Variants in PTPRG observed in about 807,000 individuals in gnomAD.
PTPRG encodes receptor-type tyrosine-protein phosphatase gamma.
A neutral mutation model predicts 165.3 loss-of-function variants in PTPRG; 102 were observed. That is an observed-to-expected ratio of 0.62 (90% confidence interval 0.53 to 0.73). The LOEUF (loss-of-function observed/expected upper bound fraction) is 0.73. Ranked by LOEUF, PTPRG falls within the 30% of genes least tolerant of loss-of-function variation. PTPRG has a pLI of 0.00. For missense variants in PTPRG, 1,866 were observed against 1,861.4 expected, an observed-to-expected ratio of 1.00 and a Z score of -0.05; for synonymous variants, 675 against 669.5, an observed-to-expected ratio of 1.01 and a Z score of -0.13.
chr3:61,851,827 T>C (rs560046826), intron 2 of PTPRG, among the ~76,000 whole-genome samples: 1 of 152,290 alleles, frequency 6.6e-6, no homozygotes, highest in South Asian at 2.1e-4. Flanking sequence ...GTAGCATAAT[T>C]GTGGAGGTGA....
chr3:61,994,555 A>G (rs1284547136), intron 3 of PTPRG, among the ~76,000 whole-genome samples: 1 of 152,202 alleles, frequency 6.6e-6, no homozygotes, highest in Non-Finnish European at 1.5e-5. Flanking sequence ...CTATGTATAG[A>G]TGGGGAAGTC....
Position 62,255,216 on chromosome 3 carries a change from G to GT in PTPRG, c.2559+2dup, listed in dbSNP as rs1701511380. 1 of 1,609,032 alleles carries GT rather than the reference G, an allele frequency of 6.2e-7. No homozygotes were observed. Among genetic ancestry groups the GT allele is most frequent in the Non-Finnish European group, 8.5e-7 (1 of 1,177,052 alleles). ...GCATGGGTTCTCTGAGGATTTTGAGGTATGTTTCAAGGCTGGAAGTTAACT... is the reference window on the plus strand; with the variant it reads ...GCATGGGTTCTCTGAGGATTTTGAGGTTATGTTTCAAGGCTGGAAGTTAACT... On this transcript the variant is annotated splice_donor_variant, in intron 16 of 29. Coordinates refer to ENST00000474889, the MANE Select transcript of PTPRG (RefSeq NM_002841.4). LOFTEE classifies it high-confidence loss of function. The surrounding 1 kb of genome is among the most constrained non-coding windows in gnomAD (Gnocchi z 4.0).
intron 2 of PTPRG, among the ~76,000 whole-genome samples, chr3:61,845,706 G>A (rs1271455383): frequency 3.3e-5 from 5 of 152,132 alleles, no homozygotes; most frequent in Non-Finnish European, 7.3e-5. Context: ...GAATCACTTC[G>A]GAGACTGTGA....
chr3:62,164,867 A>G (rs1481697634), intron 7 of PTPRG, among the ~76,000 whole-genome samples: 5 of 152,194 alleles, frequency 3.3e-5, no homozygotes, highest in Non-Finnish European at 5.9e-5. Flanking sequence ...GCAGAGTCGT[A>G]TTGCTGAGAC....
chr3:62,034,580 G>A lies in PTPRG; in HGVS notation c.519+31083G>A, dbSNP rs1699882533. The stretch of plus-strand genomic sequence containing the variant: ...CTCTTGTAGTCTTCCTAGTTCGTCA[G>A]TTACACTTAGAGGTAGATATCCATT... On this transcript the variant is annotated intron_variant, in intron 4 of 29. Transcript: ENST00000474889. Among the ~76,000 whole-genome samples the A allele has an allele frequency of 3.3e-5, 5 of 152,308 alleles. No homozygotes were observed. The South Asian group carries it at 1.0e-3, about 32-fold the overall frequency.
At chr3:61,586,551 T>C (rs986288606) in intron 1 of PTPRG, among the ~76,000 whole-genome samples, 3 of 152,340 alleles carry the variant, frequency 2.0e-5, no homozygotes, top group East Asian at 1.9e-4. Context: ...TCTAAAGTTA[T>C]CTTGTCTGCA....
At chr3:61,765,628 G>A (rs1385326293) in intron 2 of PTPRG, among the ~76,000 whole-genome samples, 1 of 152,124 alleles carries the variant, frequency 6.6e-6, no homozygotes, top group East Asian at 1.9e-4. Context: ...TTCACTAAAG[G>A]AGTGGAAAGG....
intron 1 of PTPRG, among the ~76,000 whole-genome samples, chr3:61,671,306 C>T (rs1036100815): frequency 6.6e-6 from 1 of 151,712 alleles, no homozygotes; most frequent in Non-Finnish European, 1.5e-5. Context: ...GTGTTTGTGT[C>T]CCTGGGTACT....
intron 5 of PTPRG, among the ~76,000 whole-genome samples, 164 bp downstream of exon 5, chr3:62,078,422 A>G (rs1162079867): frequency 6.6e-6 from 1 of 152,212 alleles, no homozygotes; most frequent in Non-Finnish European, 1.5e-5. Flanking sequence ...GTAAATAAGT[A>G]TGTTTAGAAA....
chr3:62,277,854 C>A (rs1014405219), intron 26 of PTPRG, among the ~76,000 whole-genome samples, 175 bp downstream of exon 26: 2 of 152,056 alleles, frequency 1.3e-5, no homozygotes, highest in Admixed American at 1.3e-4. Context: ...ACAATACTGT[C>A]CCTATCAGTT....
chr3:61,942,234 C>T (rs2039649674), intron 2 of PTPRG, among the ~76,000 whole-genome samples: 1 of 152,118 alleles, frequency 6.6e-6, no homozygotes, highest in African/African-American at 2.4e-5. Context: ...GGAGCTATTC[C>T]CTTTACCTGG....
At chr3:61,907,398 A>G (rs2038683370) in intron 2 of PTPRG, among the ~76,000 whole-genome samples, 1 of 152,174 alleles carries the variant, frequency 6.6e-6, no homozygotes, top group African/African-American at 2.4e-5. Flanking sequence ...AGCAGAGCCC[A>G]GATGTGCCCT....
chr3:61,825,310 A>C (rs1249633740), intron 2 of PTPRG, among the ~76,000 whole-genome samples: 1 of 152,188 alleles, frequency 6.6e-6, no homozygotes, highest in African/African-American at 2.4e-5. Flanking sequence ...TAAATGCTTC[A>C]AGTGTAAGAC....
chr3:61,929,196 G>T (rs927104045), intron 2 of PTPRG, among the ~76,000 whole-genome samples: 1 of 152,084 alleles, frequency 6.6e-6, no homozygotes, highest in African/African-American at 2.4e-5. Context: ...TTTAACACAT[G>T]CATAAAGCCT....
chr3:61,563,329 G>A (rs1699816939), intron 1 of PTPRG, among the ~76,000 whole-genome samples: 1 of 152,164 alleles, frequency 6.6e-6, no homozygotes, highest in Admixed American at 6.5e-5. Context: ...CCGTTGATAA[G>A]AATAAATCAC....
intron 5 of PTPRG, among the ~76,000 whole-genome samples, chr3:62,089,999 T>A (rs1701876049): frequency 6.6e-6 from 1 of 152,222 alleles, no homozygotes; most frequent in African/African-American, 2.4e-5. Context: ...CCATTTTATG[T>A]GGGTATATTC....
At chr3:61,619,786 A>T (rs756432405) in intron 1 of PTPRG, among the ~76,000 whole-genome samples, 6 of 152,246 alleles carry the variant, frequency 3.9e-5, no homozygotes, top group Admixed American at 2.0e-4. Flanking sequence ...CAGAGCCAGA[A>T]GTTTACAACA....
At chr3:62,110,549 A>AG (rs1702633779) in intron 5 of PTPRG, among the ~76,000 whole-genome samples, 1 of 152,188 alleles carries the variant, frequency 6.6e-6, no homozygotes, top group Non-Finnish European at 1.5e-5. Context: ...TAAAAAAAAA[A>AG]AAAAGGAATG....
chr3:62,194,916 GT>G, intron 9 of PTPRG, 145 bp from the exon 10 acceptor site: 1 of 719,388 alleles, frequency 1.4e-6, no homozygotes, highest in Non-Finnish European at 2.4e-6. Flanking sequence ...GGTCCAAGCG[GT>G]CTTTCCTTCC....
Sources: gnomAD v4.1 joint callset for allele counts (sites outside exome capture counted in the v4.1 genomes callset) on GRCh38, gnomAD v4.1.1 for gene constraint, Gnocchi (gnomAD v3.1) non-coding constraint, MANE v1.5 for transcripts, NCBI Gene and HGNC (gene_info 2026-07-23, HGNC 2026-07-21) for gene names.